The following IRF3 variants were observed in gnomAD, a reference collection of about 807,000 sequenced individuals.
IRF3 encodes the protein interferon regulatory factor 3.
Under a neutral mutation model 43.2 loss-of-function variants are expected in IRF3, and 29 were observed. The ratio of observed to expected loss-of-function variants is 0.67; its 90% CI spans 0.50 to 0.91. The LOEUF (loss-of-function observed/expected upper bound fraction) is 0.91. Among genes scored for constraint, IRF3 ranks in the 40% least tolerant of loss-of-function variants. The pLI, the probability that IRF3 is intolerant of heterozygous loss-of-function variation, is 0.00. For missense variants in IRF3, 505 were observed against 559.1 expected, an observed-to-expected ratio of 0.90 and a Z score of 0.98; for synonymous variants, 228 against 233.9, an observed-to-expected ratio of 0.97 and a Z score of 0.23.
At chr19:49,661,200 C>G (rs890787925) in intron 6 of IRF3, among the ~76,000 whole-genome samples, 1 of 152,210 alleles carries the variant, frequency 6.6e-6, no homozygotes, top group Non-Finnish European at 1.5e-5. Context: ...AAATTGTAAC[C>G]AATTAAAACG....
intron 2 of IRF3, among the ~76,000 whole-genome samples, chr19:49,664,126 A>G (rs1424837901): frequency 6.6e-6 from 1 of 152,178 alleles, no homozygotes; most frequent in Non-Finnish European, 1.5e-5. Flanking sequence ...TTGGCCTTGC[A>G]AAGTGCTAGG....
Position 49,662,299 on chromosome 19 carries a change from G to C in IRF3, c.631C>G (p.Arg211Gly), listed in dbSNP as rs909093042. The C allele has an allele frequency of 6.2e-7, 1 of 1,613,558 alleles. No individual in the cohort carries two copies. The highest frequency in any genetic ancestry group is 1.3e-5 in the African/African-American group (1 of 74,964). ...GTCTGCTGGAAGACTTGGCGGCCCC[G>C]GTAGAAGGCTGTCACCTCGAACTCC... ...EWEFEVTAFY[R>G]GRQVFQQTIS... The change falls in exon 6 of 8, where the codon CGG becomes GGG. Residue 211 changes from arginine (R) to glycine (G), a missense_variant. Transcript: ENST00000377139.
rs112234580 is a variant in IRF3 at position 49,663,506 on chromosome 19, G to A, written c.174C>T (p.Ala58=). The A allele has an allele frequency of 8.8e-5, 142 of 1,613,916 alleles. No homozygotes were observed. The East Asian group carries it at 2.3e-3, about 26-fold the overall frequency. ...CGGGAACATATGCACCAGTGGCCTC[G>A]GCCCAGGCCTGGGGCAACAGTGGTG... is the stretch of plus-strand genomic sequence containing the variant. The part of the protein sequence containing the change: ...QEDFGIFQAW[A]EATGAYVPGR... Residue 58 remains alanine (A), a synonymous_variant, in exon 3 of 8, where the codon GCC becomes GCT. Coordinates refer to ENST00000377139, the MANE Select transcript of IRF3 (RefSeq NM_001571.6).
rs758496233 is a variant in IRF3 at position 49,664,902 on chromosome 19, C to G, written c.-8-56G>C. 9.2e-4 allele frequency: 1,409 copies of G among 1,536,778 alleles called. 2 individuals are homozygous for G. The highest frequency in any genetic ancestry group is 1.1e-3 in the Non-Finnish European group (1,298 of 1,141,778). Reference sequence around the variant, plus strand: ...CCGGCCTCCCCCGGACCCACCTGGCCTGGAGTTTCCGCACCCAGACCTCCT... The same window carrying G: ...CCGGCCTCCCCCGGACCCACCTGGCGTGGAGTTTCCGCACCCAGACCTCCT... On this transcript the variant is annotated intron_variant, in intron 1 of 7. Transcript: ENST00000377139.
rs756472698 is a variant in IRF3 at position 49,662,197 on chromosome 19, G to A, written c.733C>T (p.Leu245=). 8 of 1,614,124 alleles carry A rather than the reference G, an allele frequency of 5.0e-6. No individual in the cohort carries two copies. The African/African-American group carries it at 8.0e-5, about 16-fold the overall frequency. ...GTCAGGGACATGCCAGGGTCTGGCAGTGTGACTGGCCATCCAGGCAGCGTC... is the reference window on the plus strand; with the variant it reads ...GTCAGGGACATGCCAGGGTCTGGCAATGTGACTGGCCATCCAGGCAGCGTC... ...DRTLPGWPVT[L]PDPGMSLTDR... is the part of the protein sequence containing the mutation. Residue 245 remains leucine, a synonymous_variant, in exon 6 of 8, where the codon CTG becomes TTG. Transcript: ENST00000377139.
chr19:49,663,042 C>T lies in IRF3; in HGVS notation c.408+146G>A, dbSNP rs191021436. On this transcript the variant is annotated intron_variant, in intron 4 of 7. Transcript: ENST00000377139. ...ACTTGGAATTTTCTCCTGAGGAGAC[C>T]GGGGCAGGGACAGACAGGGTCAGCA... 11 of 746,074 alleles carry T rather than the reference C, an allele frequency of 1.5e-5. No homozygotes were observed. The East Asian group carries it at 1.5e-4, about 10-fold the overall frequency. 46.2% of individuals were successfully genotyped at this position (746,074 alleles called of 1,614,324 possible). A position where few individuals can be genotyped will look rare whatever the true frequency, so the allele number is the denominator to read the frequency against.
At chr19:49,661,819 T>C in intron 6 of IRF3, 129 bp downstream of exon 6, 1 of 1,104,938 alleles carries the variant, frequency 9.1e-7, no homozygotes, top group East Asian at 2.4e-5. Context: ...GAACTTGTCA[T>C]CTGCCCACCT....
At chr19:49,659,994 C>CATAT (rs1555753040) in intron 7 of IRF3, among the ~76,000 whole-genome samples, 161 bp from the exon 8 acceptor site, 3 of 99,260 alleles carry the variant, frequency 3.0e-5, no homozygotes, top group African/African-American at 1.6e-4. Flanking sequence ...TACACACACA[C>CATAT]ACACACACAC....
At chr19:49,662,763 C>T (rs1013714682) in intron 4 of IRF3, 146 bp from the exon 5 acceptor site, 1 of 680,234 alleles carries the variant, frequency 1.5e-6, no homozygotes, top group Non-Finnish European at 2.4e-6. Context: ...CAGAGCCAGC[C>T]ATGGCATCAA....
intron 7 of IRF3, among the ~76,000 whole-genome samples, 164 bp from the exon 8 acceptor site, chr19:49,659,997 A>ATACACACACACACACACG (rs1568451541): frequency 1.3e-5 from 1 of 76,588 alleles, no homozygotes; most frequent in Non-Finnish European, 2.4e-5. Flanking sequence ...ACACACACAC[A>ATACACACACACACACACG]CACACACACA....
intron 6 of IRF3, 48 bp from the exon 7 acceptor site, chr19:49,660,876 C>A: frequency 6.5e-7 from 1 of 1,550,256 alleles, no homozygotes; most frequent in Non-Finnish European, 8.7e-7. Context: ...ACCCTCTACC[C>A]ACCCTTCCCC....
At chr19:49,659,984 T>TACACACACACACACACACAC (rs5828408) in intron 7 of IRF3, 151 bp from the exon 8 acceptor site, 126 of 323,950 alleles carry the variant, frequency 3.9e-4, no homozygotes, top group East Asian at 2.0e-3. Flanking sequence ...GTTGTAGTTT[T>TACACACACACACACACACAC]ACACACACAC....
chr19:49,659,666 C>T lies in IRF3; in HGVS notation c.1266G>A (p.Gln422=). The T allele has an allele frequency of 6.2e-7, 1 of 1,613,648 alleles. No homozygotes were observed. Residue 422 remains glutamine (Q), a synonymous_variant, in exon 8 of 8, where the codon CAG becomes CAA. Coordinates refer to ENST00000377139, the MANE Select transcript of IRF3 (RefSeq NM_001571.6). ...CGAGGGCTCAGCTCTCCCCAGGGCC[C>T]TGGAAATCCATGCCCTCCACCAAGT... ...LQDLVEGMDF[Q]GPGES is the part of the protein sequence containing the mutation.
At chr19:49,661,025 C>A (rs918577683) in intron 6 of IRF3, 197 bp from the exon 7 acceptor site, 1 of 613,600 alleles carries the variant, frequency 1.6e-6, no homozygotes, top group African/African-American at 1.9e-5. Flanking sequence ...GTTGGAAGGC[C>A]ACACCCCCAA....
At chr19:49,663,649 A>G in intron 2 of IRF3, 135 bp from the exon 3 acceptor site, 1 of 784,718 alleles carries the variant, frequency 1.3e-6, no homozygotes, top group Non-Finnish European at 2.0e-6. Context: ...TCCATCCCCA[A>G]ATCCCCCCGT....
At chr19:49,661,885 G>A (rs1021155711) in intron 6 of IRF3, 63 bp downstream of exon 6, 4 of 1,529,762 alleles carry the variant, frequency 2.6e-6, no homozygotes, top group Non-Finnish European at 3.5e-6. Context: ...GGCCAATCCT[G>A]AGTTGTTAAC....
chr19:49,663,525 AGTG>A lies in IRF3; in HGVS notation c.166-14_166-12del. 6.2e-7 allele frequency: 1 copy of A among 1,613,576 alleles called. No individual in the cohort carries two copies. The highest frequency in any genetic ancestry group is 8.5e-7 in the Non-Finnish European group (1 of 1,179,800). On this transcript the variant is annotated splice_polypyrimidine_tract_variant and intron_variant, in intron 2 of 7. Transcript: ENST00000377139. ...GGCCTCGGCCCAGGCCTGGGGCAAC[AGTG>A]GTGTCAGGATGGTGGGGGAGGACGA... is the stretch of plus-strand genomic sequence containing the variant.
intron 2 of IRF3, 76 bp from the exon 3 acceptor site, chr19:49,663,590 C>G (rs1447758856): frequency 1.3e-5 from 19 of 1,409,430 alleles, no homozygotes; most frequent in Admixed American, 1.9e-5. Flanking sequence ...CCCTGTCTCC[C>G]GAGTCCTAAC....
chr19:49,659,984 T>TACACACACACACATATAC (rs1421545567), intron 7 of IRF3, 151 bp from the exon 8 acceptor site: 10 of 323,994 alleles, frequency 3.1e-5, no homozygotes, highest in African/African-American at 2.7e-4. Flanking sequence ...GTTGTAGTTT[T>TACACACACACACATATAC]ACACACACAC....
Sources: allele counts gnomAD v4.1 joint callset (sites outside exome capture counted in the v4.1 genomes callset), GRCh38; gene constraint gnomAD v4.1.1; transcripts MANE v1.5; gene names NCBI Gene and HGNC (gene_info 2026-07-23, HGNC 2026-07-21).